Variants in GSE1 observed in about 807,000 individuals in gnomAD.
GSE1 encodes the protein genetic suppressor element 1.
A neutral mutation model predicts 112.6 loss-of-function variants in GSE1; 32 were observed. That is an observed-to-expected ratio of 0.28 (90% CI 0.21 to 0.38). The LOEUF is 0.38. GSE1 is among the 10% of genes least tolerant of loss of function. GSE1 has a pLI of 1.00. For synonymous variants in GSE1, 1,115 were observed against 735.6 expected, an observed-to-expected ratio of 1.52 and a Z score of -8.35; for missense variants, 2,348 against 1,699.2, an observed-to-expected ratio of 1.38 and a Z score of -6.71.
intron 14 of GSE1, among the ~76,000 whole-genome samples, chr16:85,669,249 A>T (rs2053132646): frequency 6.6e-6 from 1 of 152,292 alleles, no homozygotes; most frequent in East Asian, 1.9e-4. Context: ...GCGCTTTGAC[A>T]AAAGCTGGGC....
chr16:85,378,604 A>T (rs1296769575), intron 2 of GSE1, among the ~76,000 whole-genome samples: 3 of 152,146 alleles, frequency 2.0e-5, no homozygotes, highest in Non-Finnish European at 4.4e-5. Flanking sequence ...CTTCGTGCTG[A>T]TTGATTTTTT....
At chr16:85,490,386 G>C (rs1208552361) in intron 2 of GSE1, 2 of 152,282 alleles carry the variant, frequency 1.3e-5, no homozygotes, top group African/African-American at 4.8e-5. Flanking sequence ...TGTGTAAAAG[G>C]GGCAGCAGGG....
intron 2 of GSE1, among the ~76,000 whole-genome samples, chr16:85,498,025 C>T (rs1208451716): frequency 1.3e-5 from 2 of 151,966 alleles, no homozygotes. Context: ...GTGTGCTCCG[C>T]AGGAGCACCA....
intron 1 of GSE1, among the ~76,000 whole-genome samples, chr16:85,324,509 CAAA>C (rs58493568): frequency 1.2e-4 from 12 of 98,072 alleles, no homozygotes; most frequent in Non-Finnish European, 1.8e-4. Flanking sequence ...GACTCCCTCT[CAAA>C]AAAAAAAAAA....
At chr16:85,449,440 G>T (rs2049607690) in intron 2 of GSE1, among the ~76,000 whole-genome samples, 1 of 152,260 alleles carries the variant, frequency 6.6e-6, no homozygotes, top group African/African-American at 2.4e-5. Context: ...CAGAGCCCCG[G>T]CTCCCAGATC....
intron 2 of GSE1, among the ~76,000 whole-genome samples, chr16:85,360,676 G>GACAGAC (rs1399592732): frequency 3.9e-5 from 6 of 152,146 alleles, no homozygotes; most frequent in Non-Finnish European, 7.4e-5. Flanking sequence ...AGACGCACGA[G>GACAGAC]ACAGACACAG....
At position 85,668,512 on chromosome 16, in the gene GSE1, C is replaced by G. The variant is rs991925736; in HGVS notation, c.3415+88C>G. The G allele has an allele frequency of 6.6e-5, 58 of 875,900 alleles. No individual in the cohort carries two copies. In the East Asian group the frequency reaches 1.4e-3, roughly 20 times the overall value. 54.3% of individuals were successfully genotyped at this position (875,900 alleles called of 1,614,324 possible). ...AGTGATGAGTTCATGCAGACCTCTG[C>G]CAGCCTGGGGACTGTTTCTCCGTCC... is the stretch of plus-strand genomic sequence containing the variant. On this transcript the variant is annotated intron_variant, in intron 14 of 15. Transcript: ENST00000253458.
Position 85,666,152 on chromosome 16 carries a change from G to C in GSE1, c.2935G>C (p.Ala979Pro). The C allele has an allele frequency of 6.2e-7, 1 of 1,613,394 alleles. No homozygotes were observed. Among genetic ancestry groups the C allele is most frequent in the East Asian group, 2.2e-5 (1 of 44,876 alleles). Residue 979 changes from alanine to proline, a missense_variant, in exon 13 of 16, where the codon GCC (alanine) becomes CCC (proline). Coordinates refer to ENST00000253458, the MANE Select transcript of GSE1 (RefSeq NM_014615.5). ...CGGGGAGAAGGCCAGGCTGAGCGAG[G>C]CCCCTGGAGGCAAAAAGAGTCTGAG... ...ASGEKARLSE[A>P]PGGKKSLSML...
intron 2 of GSE1, among the ~76,000 whole-genome samples, chr16:85,456,594 G>A (rs1005124263): frequency 4.3e-4 from 58 of 134,152 alleles, no homozygotes; most frequent in African/African-American, 1.9e-3. Flanking sequence ...GTGTGTGTGT[G>A]TGTGTGTGTG....
chr16:85,470,320 C>T (rs972888992), intron 2 of GSE1, among the ~76,000 whole-genome samples: 8 of 152,178 alleles, frequency 5.3e-5, no homozygotes, highest in African/African-American at 1.9e-4. Context: ...CGGCGCCCCT[C>T]AGTGATCCAG....
chr16:85,308,456 G>T (rs1009163664), intron 1 of GSE1, among the ~76,000 whole-genome samples: 1 of 152,094 alleles, frequency 6.6e-6, no homozygotes, highest in Admixed American at 6.5e-5. Flanking sequence ...GCCATAAAGC[G>T]CAATACTGAT....
chr16:85,270,159 G>A (rs767941238), intron 1 of GSE1, among the ~76,000 whole-genome samples: 5 of 148,990 alleles, frequency 3.4e-5, no homozygotes, highest in South Asian at 2.1e-4. Flanking sequence ...CTGGACAGAC[G>A]CTCAGTGGTA....
chr16:85,529,494 C>T (rs533555492), intron 2 of GSE1, among the ~76,000 whole-genome samples: 4 of 152,242 alleles, frequency 2.6e-5, no homozygotes, highest in Non-Finnish European at 4.4e-5. Context: ...CTTTAAAACT[C>T]CTGGTACCCT....
At chr16:85,203,179 G>T (rs2075059295) in intron 1 of GSE1, among the ~76,000 whole-genome samples, 1 of 150,162 alleles carries the variant, frequency 6.7e-6, no homozygotes, top group African/African-American at 2.5e-5. Context: ...GCTCTCCTAG[G>T]CACCCCCTTT....
rs901524414 is a variant in GSE1, at chr16:85,419,302, C to T, written c.2464+61659C>T. 1.2e-4 allele frequency among the ~76,000 whole-genome samples: 19 copies of T among 152,136 alleles called. No homozygotes were observed. The highest frequency in any genetic ancestry group is 4.2e-4 in the South Asian group (2 of 4,818). The stretch of plus-strand genomic sequence containing the variant: ...CACCTCAGGAGGCAACATTTAGAGT[C>T]GGGGTCAGGGTTTGAGAATATACCA... On this transcript the variant is annotated intron_variant, in intron 2 of 2. Transcript: ENST00000637419. This position sits in a 1 kb window ranked among gnomAD's most constrained non-coding sequence, Gnocchi z 6.5.
intron 1 of GSE1, among the ~76,000 whole-genome samples, chr16:85,257,765 C>T (rs1907239217): frequency 2.0e-5 from 3 of 152,086 alleles, no homozygotes; most frequent in East Asian, 1.9e-4. Flanking sequence ...TAGTGAGCCG[C>T]GATGGCATCA....
chr16:85,613,428 GGTCCTCCCCCCTCCCCCCACCGCACT>G (rs2048132122), intron 1 of GSE1, 30 bp downstream of exon 1: 1 of 1,541,658 alleles, frequency 6.5e-7, no homozygotes, highest in South Asian at 1.2e-5. Context: ...CCGGGGACGG[GGTCCTCCCCCCTCCCCCCACCGCACT>G]GTCCTCCTGC....
intron 2 of GSE1, among the ~76,000 whole-genome samples, chr16:85,461,357 C>T (rs1037111255): frequency 6.6e-6 from 1 of 152,188 alleles, no homozygotes; most frequent in Non-Finnish European, 1.5e-5. Context: ...GGGGGACAAC[C>T]CCCACTCCCC....
At chr16:85,252,151 T>C (rs915474537) in intron 1 of GSE1, among the ~76,000 whole-genome samples, 1 of 151,872 alleles carries the variant, frequency 6.6e-6, no homozygotes, top group Non-Finnish European at 1.5e-5. Flanking sequence ...TCGTACTGAG[T>C]AGATGCTCAG....
Sources: allele counts gnomAD v4.1 joint callset (sites outside exome capture counted in the v4.1 genomes callset), GRCh38; gene constraint gnomAD v4.1.1; non-coding constraint Gnocchi (gnomAD v3.1); transcripts MANE v1.5; gene names NCBI Gene and HGNC (gene_info 2026-07-23, HGNC 2026-07-21).